Variants in PTK2 observed in about 807,000 individuals in gnomAD.
PTK2 encodes protein tyrosine kinase 2.
A neutral mutation model predicts 150.1 loss-of-function variants in PTK2; 45 were observed. The ratio of observed to expected loss-of-function variants is 0.30; its 90% CI spans 0.24 to 0.38. The LOEUF (loss-of-function observed/expected upper bound fraction) is 0.38. PTK2 is among the 10% of genes least tolerant of loss of function. The pLI is 1.00. For synonymous variants in PTK2, 432 were observed against 449.2 expected, an observed-to-expected ratio of 0.96 and a Z score of 0.48; for missense variants, 919 against 1,307.3, an observed-to-expected ratio of 0.70 and a Z score of 4.58.
chr8:140,853,814 C>T (rs1218271160), intron 5 of PTK2, among the ~76,000 whole-genome samples: 1 of 152,164 alleles, frequency 6.6e-6, no homozygotes, highest in Non-Finnish European at 1.5e-5. Flanking sequence ...TACATTTTAG[C>T]TTCTGTCTGG....
chr8:140,782,902 G>A (rs772155125), intron 14 of PTK2, among the ~76,000 whole-genome samples: 2 of 152,112 alleles, frequency 1.3e-5, no homozygotes, highest in Non-Finnish European at 2.9e-5. Context: ...CTCTTTCAAA[G>A]TATTATTTCC....
intron 4 of PTK2, among the ~76,000 whole-genome samples, chr8:140,874,195 C>A (rs1489058301): frequency 6.6e-6 from 1 of 152,176 alleles, no homozygotes; most frequent in Non-Finnish European, 1.5e-5. Flanking sequence ...CTGCCTGAGA[C>A]AGTTATGACC....
chr8:140,878,419 C>A (rs1170315775), intron 4 of PTK2, among the ~76,000 whole-genome samples: 1 of 152,048 alleles, frequency 6.6e-6, no homozygotes, highest in African/African-American at 2.4e-5. Context: ...GGGCAACATG[C>A]TGAAACCCCA....
chr8:140,862,698 G>A (rs1305280373), intron 5 of PTK2, among the ~76,000 whole-genome samples: 1 of 152,146 alleles, frequency 6.6e-6, no homozygotes, highest in Non-Finnish European at 1.5e-5. Flanking sequence ...GATAAGCAGT[G>A]GCATAAGATT....
At chr8:140,959,199 T>A (rs1269567874) in intron 1 of PTK2, among the ~76,000 whole-genome samples, 3 of 152,028 alleles carry the variant, frequency 2.0e-5, no homozygotes, top group Non-Finnish European at 4.4e-5. Context: ...CTGGCAATAA[T>A]TTTTTACCTG....
chr8:140,805,449 C>T (rs1006367916), intron 10 of PTK2, among the ~76,000 whole-genome samples: 2 of 151,718 alleles, frequency 1.3e-5, no homozygotes, highest in Non-Finnish European at 2.9e-5. Context: ...ATTGCAGCTA[C>T]TCAGGAGGCT....
chr8:140,901,760 C>T (rs1230812908), intron 2 of PTK2, among the ~76,000 whole-genome samples: 11 of 151,732 alleles, frequency 7.2e-5, no homozygotes, highest in African/African-American at 2.7e-4. Context: ...CCCATCAACC[C>T]GTCATCTACA....
chr8:140,800,634 C>A, intron 11 of PTK2, 58 bp from the exon 12 acceptor site: 2 of 1,342,820 alleles, frequency 1.5e-6, no homozygotes, highest in South Asian at 2.3e-5. Flanking sequence ...AAGCAAAGGA[C>A]AGCTGTGCTA....
At chr8:140,921,525 T>G (rs2100167443) in intron 2 of PTK2, among the ~76,000 whole-genome samples, 1 of 152,202 alleles carries the variant, frequency 6.6e-6, no homozygotes, top group Non-Finnish European at 1.5e-5. Flanking sequence ...AAAAATCCTT[T>G]CTGGAAAAAA....
At chr8:140,896,795 G>GGGA (rs1555343161) in intron 2 of PTK2, among the ~76,000 whole-genome samples, 1 of 126,450 alleles carries the variant, frequency 7.9e-6, no homozygotes, top group Non-Finnish European at 1.9e-5. Context: ...AAACGGGGGG[G>GGGA]GGGGGTGGGT....
At chr8:140,769,994 C>T (rs189480479) in intron 14 of PTK2, among the ~76,000 whole-genome samples, 7 of 152,132 alleles carry the variant, frequency 4.6e-5, no homozygotes, top group African/African-American at 1.4e-4. Flanking sequence ...ACAAACTAGT[C>T]ATTAATCTGT....
At position 140,809,989 on chromosome 8, in the gene PTK2, G is replaced by A. The variant is rs140486900; in HGVS notation, c.868-6339C>T. 2.4e-4 allele frequency among the ~76,000 whole-genome samples: 37 copies of A among 152,308 alleles called. 1 individual carries two copies. Among genetic ancestry groups the A allele is most frequent in the Non-Finnish European group, 3.5e-4 (24 of 68,018 alleles). The stretch of plus-strand genomic sequence containing the variant: ...AGGGAAGGCACTGAGAATGGATGAA[G>A]GAAAGACACAGAAGCTGGGCTGAAG... On this transcript the variant is annotated intron_variant, in intron 10 of 31. Coordinates refer to ENST00000522684, the Ensembl canonical transcript of PTK2.
intron 1 of PTK2, among the ~76,000 whole-genome samples, chr8:140,939,539 G>A (rs2100174933): frequency 6.6e-6 from 1 of 152,150 alleles, no homozygotes; most frequent in Non-Finnish European, 1.5e-5. Context: ...TTATCATTTG[G>A]GGTTGCACAA....
intron 7 of PTK2, 25 bp downstream of exon 7, chr8:140,846,235 T>C (rs1456785588): frequency 6.4e-7 from 1 of 1,553,036 alleles, no homozygotes; most frequent in Non-Finnish European, 8.8e-7. Flanking sequence ...TATTTGCAGG[T>C]ATAGATTGTA....
chr8:140,800,453 C>T lies in PTK2; in HGVS notation c.1093+6G>A. On this transcript the variant is annotated splice_donor_region_variant and intron_variant, in intron 12 of 31. Coordinates refer to ENST00000522684, the Ensembl canonical transcript of PTK2. The stretch of plus-strand genomic sequence containing the variant: ...CAATTGGGAATGCTCAGAAACAGCA[C>T]CTCACCTTTCTGAGGTCTGATGATA... The T allele has an allele frequency of 6.2e-7, 1 of 1,604,760 alleles. No homozygotes were observed. The highest frequency in any genetic ancestry group is 8.5e-7 in the Non-Finnish European group (1 of 1,171,566).
At chr8:140,764,548 C>T (rs934203052) in intron 14 of PTK2, 1 of 489,278 alleles carries the variant, frequency 2.0e-6, no homozygotes, top group African/African-American at 1.9e-5. Context: ...TTGTAAAAAA[C>T]AGAACGACAT....
chr8:140,802,274 G>C (rs970783023), intron 11 of PTK2, among the ~76,000 whole-genome samples: 6 of 151,968 alleles, frequency 3.9e-5, no homozygotes, highest in African/African-American at 9.7e-5. Flanking sequence ...GCCTAGGCTA[G>C]CGTGTATGTT....
intron 1 of PTK2, among the ~76,000 whole-genome samples, chr8:140,935,883 G>A (rs899737742): frequency 6.6e-6 from 1 of 151,814 alleles, no homozygotes; most frequent in African/African-American, 2.4e-5. Context: ...TGTTGACCTT[G>A]TGATCCACCC....
chr8:140,977,305 A>G (rs985531311), intron 1 of PTK2, among the ~76,000 whole-genome samples: 1 of 152,172 alleles, frequency 6.6e-6, no homozygotes, highest in African/African-American at 2.4e-5. Context: ...AAGCAGGAGG[A>G]TCGCTTGAAC....
Sources: gnomAD v4.1 joint callset for allele counts (sites outside exome capture counted in the v4.1 genomes callset) on GRCh38, gnomAD v4.1.1 for gene constraint, MANE v1.5 for transcripts, NCBI Gene and HGNC (gene_info 2026-07-23, HGNC 2026-07-21) for gene names.